Variants in SIM1 observed in about 807,000 individuals in gnomAD.
The protein encoded by SIM1 is SIM bHLH transcription factor 1.
In SIM1, 18 loss-of-function variants were observed where a neutral mutation model predicts 78.2. That is an observed-to-expected ratio of 0.23 (90% CI 0.16 to 0.34). The LOEUF (loss-of-function observed/expected upper bound fraction) is 0.34, where lower values mean the gene tolerates loss of function less well. Ranked by LOEUF, SIM1 falls within the 10% of genes least tolerant of loss-of-function variation. The probability of loss-of-function intolerance (pLI) is 1.00; values close to 1 mark genes in which losing one functional copy is unlikely to be tolerated. For missense variants in SIM1, 939 were observed against 975.1 expected, an observed-to-expected ratio of 0.96 and a Z score of 0.49; for synonymous variants, 417 against 385.2, an observed-to-expected ratio of 1.08 and a Z score of -0.97.
At chr6:100,411,086 T>G (rs1459196288) in intron 10 of SIM1, among the ~76,000 whole-genome samples, 1 of 152,098 alleles carries the variant, frequency 6.6e-6, no homozygotes, top group Non-Finnish European at 1.5e-5. Context: ...AGAAGAAGAA[T>G]AAGAATGTAA....
At chr6:100,428,209 T>G (rs1454585999) in intron 9 of SIM1, among the ~76,000 whole-genome samples, 1 of 152,190 alleles carries the variant, frequency 6.6e-6, no homozygotes, top group Non-Finnish European at 1.5e-5. Flanking sequence ...GAAATTATAA[T>G]TCAGGCTCAG....
chr6:100,453,686 A>G, intron 3 of SIM1, 76 bp downstream of exon 3: 3 of 1,053,988 alleles, frequency 2.8e-6, no homozygotes, highest in Non-Finnish European at 4.1e-6. Flanking sequence ...GTTTTCTGAG[A>G]AACTAAAAGC....
At chr6:100,398,748 T>C (rs1770830470) in intron 10 of SIM1, among the ~76,000 whole-genome samples, 1 of 152,120 alleles carries the variant, frequency 6.6e-6, no homozygotes, top group South Asian at 2.1e-4. Context: ...AATATGTCTT[T>C]GAGACTCTGT....
chr6:100,393,732 C>G lies in SIM1; in HGVS notation c.1325G>C (p.Arg442Pro), dbSNP rs199665362. The change falls in exon 11 of 12, where the codon CGC becomes CCC. Residue 442 changes from arginine to proline, a missense_variant. Arg to Pro is a moderately radical substitution (Grantham distance 103). Coordinates refer to ENST00000369208, the MANE Select transcript of SIM1 (RefSeq NM_005068.3). ...ASCAYRQFSD[R>P]SSLCYGFALD... ...CGCAAAGCCATAGCAGAGAGAGCTGCGGTCCGAAAACTGTCTGTAGGCGCA... is the reference window on the plus strand; with the variant it reads ...CGCAAAGCCATAGCAGAGAGAGCTGGGGTCCGAAAACTGTCTGTAGGCGCA... The G allele has an allele frequency of 6.2e-7, 1 of 1,614,092 alleles. No individual in the cohort carries two copies. The highest frequency in any genetic ancestry group is 8.5e-7 in the Non-Finnish European group (1 of 1,180,036).
At chr6:100,416,307 G>A (rs1391550972) in intron 10 of SIM1, among the ~76,000 whole-genome samples, 1 of 151,534 alleles carries the variant, frequency 6.6e-6, no homozygotes, top group African/African-American at 2.4e-5. Context: ...ATTAGTATAA[G>A]GGTGCCTAAA....
intron 10 of SIM1, among the ~76,000 whole-genome samples, chr6:100,399,810 A>G (rs1384161711): frequency 2.6e-5 from 4 of 152,090 alleles, no homozygotes; most frequent in Non-Finnish European, 5.9e-5. Flanking sequence ...CAATTTTAGA[A>G]AAGAATTTTC....
chr6:100,415,807 C>G (rs1252301926), intron 10 of SIM1, among the ~76,000 whole-genome samples: 2 of 152,100 alleles, frequency 1.3e-5, no homozygotes, highest in Non-Finnish European at 2.9e-5. Context: ...CTACAAGCAG[C>G]CAGAAAGAGC....
chr6:100,402,292 G>T (rs1421211932), intron 10 of SIM1, among the ~76,000 whole-genome samples: 1 of 151,270 alleles, frequency 6.6e-6, no homozygotes, highest in Non-Finnish European at 1.5e-5. Context: ...TATGTTAAAG[G>T]ATTAAAAAAA....
At chr6:100,458,498 G>A (rs1772746412) in intron 2 of SIM1, among the ~76,000 whole-genome samples, 1 of 152,218 alleles carries the variant, frequency 6.6e-6, no homozygotes, top group Non-Finnish European at 1.5e-5. Flanking sequence ...GCCCTTCAGG[G>A]ACAGTGGCCG....
At chr6:100,436,491 C>T (rs1275876201) in intron 9 of SIM1, among the ~76,000 whole-genome samples, 1 of 152,194 alleles carries the variant, frequency 6.6e-6, no homozygotes, top group Non-Finnish European at 1.5e-5. Flanking sequence ...GGTCCAAAGA[C>T]TCACACACAT....
At position 100,388,127 on chromosome 6, in the gene SIM1, A is replaced by T. The variant is rs1251477520; in HGVS notation, c.*2234T>A. ...GATTTCTCATAAATAATTTTCTCAA[A>T]ATTACTAAATACTCTTTTTTGTATA... On this transcript the variant is annotated 3_prime_UTR_variant, in exon 12 of 12. Coordinates refer to ENST00000369208, the MANE Select transcript of SIM1 (RefSeq NM_005068.3). 1 of 152,150 alleles carries T rather than the reference A, an allele frequency of 6.6e-6. No homozygotes were observed. The highest frequency in any genetic ancestry group is 1.5e-5 in the Non-Finnish European group (1 of 68,008). 9.4% of individuals were successfully genotyped at this position (152,150 alleles called of 1,614,324 possible).
intron 10 of SIM1, among the ~76,000 whole-genome samples, chr6:100,397,149 C>T (rs1770787756): frequency 6.6e-6 from 1 of 152,068 alleles, no homozygotes; most frequent in Admixed American, 6.6e-5. Flanking sequence ...GGCCAATTTT[C>T]CCTCCAAGTA....
intron 3 of SIM1, among the ~76,000 whole-genome samples, chr6:100,450,644 T>C (rs968236641): frequency 4.9e-5 from 7 of 141,606 alleles, no homozygotes; most frequent in Non-Finnish European, 9.3e-5. Flanking sequence ...GGAAAATACA[T>C]CCATAAAACA....
At chr6:100,418,890 A>G (rs1327862913) in intron 10 of SIM1, among the ~76,000 whole-genome samples, 1 of 152,098 alleles carries the variant, frequency 6.6e-6, no homozygotes, top group African/African-American at 2.4e-5. Context: ...GCTCCTGGCC[A>G]GGCATGGTGG....
At chr6:100,438,089 C>T (rs192820620) in intron 9 of SIM1, among the ~76,000 whole-genome samples, 48 of 151,892 alleles carry the variant, frequency 3.2e-4, no homozygotes, top group African/African-American at 1.1e-3. Context: ...AAAGCAAATG[C>T]AACAAAAATG....
chr6:100,405,581 A>C (rs1771032780), intron 10 of SIM1, among the ~76,000 whole-genome samples: 1 of 152,074 alleles, frequency 6.6e-6, no homozygotes, highest in Non-Finnish European at 1.5e-5. Flanking sequence ...TCCATATTTT[A>C]GTCATATTTA....
intron 9 of SIM1, among the ~76,000 whole-genome samples, chr6:100,440,069 T>G (rs182131705): frequency 2.0e-5 from 3 of 152,330 alleles, no homozygotes; most frequent in African/African-American, 4.8e-5. Flanking sequence ...GAATTCTCTT[T>G]CAAAGTATTT....
At chr6:100,402,295 T>TAA (rs201551300) in intron 10 of SIM1, among the ~76,000 whole-genome samples, 1 of 151,894 alleles carries the variant, frequency 6.6e-6, no homozygotes, top group Admixed American at 6.6e-5. Context: ...GTTAAAGGAT[T>TAA]AAAAAAAATC....
At chr6:100,403,222 C>T (rs1324491846) in intron 10 of SIM1, among the ~76,000 whole-genome samples, 2 of 152,178 alleles carry the variant, frequency 1.3e-5, no homozygotes, top group Admixed American at 6.5e-5. Context: ...AAACACGCAA[C>T]CAAATGCCAG....
Sources: allele counts gnomAD v4.1 joint callset (sites outside exome capture counted in the v4.1 genomes callset), GRCh38; gene constraint gnomAD v4.1.1; transcripts MANE v1.5; gene names NCBI Gene and HGNC (gene_info 2026-07-23, HGNC 2026-07-21).